The following ATRNL1 variants were observed in gnomAD, a reference collection of about 807,000 sequenced individuals.
ATRNL1 encodes the protein attractin like 1, also known as attractin-like protein 1.
Under a neutral mutation model 182.7 loss-of-function variants are expected in ATRNL1, and 95 were observed. The observed-to-expected ratio is 0.52, with a 90% CI of 0.44 to 0.62. The LOEUF (loss-of-function observed/expected upper bound fraction) is 0.62. ATRNL1 is among the 20% of genes least tolerant of loss of function. ATRNL1 has a pLI of 0.00. For missense variants in ATRNL1, 1,471 were observed against 1,679.5 expected, an observed-to-expected ratio of 0.88 and a Z score of 2.17; for synonymous variants, 576 against 568.3, an observed-to-expected ratio of 1.01 and a Z score of -0.19.
chr10:115,794,778 TA>T (rs1555082511), intron 27 of ATRNL1, among the ~76,000 whole-genome samples: 1 of 152,172 alleles, frequency 6.6e-6, no homozygotes, highest in Non-Finnish European at 1.5e-5. Flanking sequence ...TTCTTCAATA[TA>T]AAATTATTAT....
At chr10:115,133,518 C>A (rs1001983246) in intron 5 of ATRNL1, among the ~76,000 whole-genome samples, 1 of 152,064 alleles carries the variant, frequency 6.6e-6, no homozygotes, top group African/African-American at 2.4e-5. Flanking sequence ...TATATATGCA[C>A]CCAATACAGG....
rs528019448 is a variant in ATRNL1 at position 115,773,748 on chromosome 10, T to A, written c.3903+46393T>A. Among the ~76,000 whole-genome samples, 1,108 of 152,298 alleles carry A rather than the reference T, an allele frequency of 7.3e-3. 16 individuals carry two copies. Among genetic ancestry groups the A allele is most frequent in the African/African-American group, 0.025 (1,057 of 41,558 alleles). On this transcript the variant is annotated intron_variant, in intron 27 of 28. Coordinates refer to ENST00000355044, the MANE Select transcript of ATRNL1 (RefSeq NM_207303.4). ...CTGTGTGAATTCCAAACTTAGTTAA[T>A]GAAAGTGTTTCGTTACAGATTACCT...
chr10:115,829,815 G>A (rs1445017190), intron 27 of ATRNL1, among the ~76,000 whole-genome samples: 15 of 152,088 alleles, frequency 9.9e-5, no homozygotes, highest in African/African-American at 3.6e-4. Context: ...TCTCTTGTCT[G>A]ACTGCCCGGA....
At chr10:115,137,319 T>TATAGAATTCTCATTGTA (rs1187463345) in intron 5 of ATRNL1, among the ~76,000 whole-genome samples, 1 of 152,258 alleles carries the variant, frequency 6.6e-6, no homozygotes, top group East Asian at 1.9e-4. Context: ...CAGCATTCAT[T>TATAGAATTCTCATTGTA]ATAGAATTCT....
chr10:115,680,260 G>T (rs1187741472), intron 26 of ATRNL1, among the ~76,000 whole-genome samples: 1 of 152,076 alleles, frequency 6.6e-6, no homozygotes, highest in Non-Finnish European at 1.5e-5. Flanking sequence ...GCATATCTAA[G>T]ACAGATCAGC....
intron 26 of ATRNL1, among the ~76,000 whole-genome samples, chr10:115,718,103 C>T (rs1241076569): frequency 6.6e-6 from 1 of 152,106 alleles, no homozygotes; most frequent in Non-Finnish European, 1.5e-5. Context: ...TGGCTGATTT[C>T]CCAAATGGGA....
intron 26 of ATRNL1, among the ~76,000 whole-genome samples, chr10:115,676,925 A>C (rs892547795): frequency 6.6e-6 from 1 of 152,084 alleles, no homozygotes; most frequent in Non-Finnish European, 1.5e-5. Flanking sequence ...ACCCATGACC[A>C]ATGTCTCAGT....
At chr10:115,523,514 C>A (rs191051312) in intron 25 of ATRNL1, among the ~76,000 whole-genome samples, 1 of 152,308 alleles carries the variant, frequency 6.6e-6, no homozygotes, top group African/African-American at 2.4e-5. Context: ...TTTGATTATA[C>A]ATTCCAACTC....
chr10:115,244,816 T>C (rs1380491977), intron 10 of ATRNL1, among the ~76,000 whole-genome samples: 1 of 152,156 alleles, frequency 6.6e-6, no homozygotes, highest in Non-Finnish European at 1.5e-5. Context: ...TGAAACAAGA[T>C]GCAAAACAAC....
At chr10:115,612,285 T>C (rs149342616) in intron 26 of ATRNL1, among the ~76,000 whole-genome samples, 13 of 152,042 alleles carry the variant, frequency 8.6e-5, no homozygotes, top group African/African-American at 2.4e-4. Context: ...CCGAGGAAGT[T>C]TGGCCTTTGT....
At chr10:115,895,680 T>A (rs1369981567) in intron 28 of ATRNL1, among the ~76,000 whole-genome samples, 1 of 152,098 alleles carries the variant, frequency 6.6e-6, no homozygotes, top group Non-Finnish European at 1.5e-5. Flanking sequence ...GACCCGGTGG[T>A]CAAAGATGCT....
intron 9 of ATRNL1, among the ~76,000 whole-genome samples, chr10:115,240,863 G>A (rs2256046): frequency 0.32 from 47,775 of 151,516 alleles, 7,882 homozygotes; most frequent in African/African-American, 0.41. Context: ...CACAAGATGC[G>A]TTGTAATTGT....
At chr10:115,309,893 T>A (rs953694132) in intron 17 of ATRNL1, among the ~76,000 whole-genome samples, 8 of 152,134 alleles carry the variant, frequency 5.3e-5, no homozygotes, top group African/African-American at 9.6e-5. Context: ...CTATATTAAA[T>A]AGAAGTGACG....
chr10:115,559,414 T>TGTGTGTGTGTGTG (rs1853530217), intron 26 of ATRNL1, among the ~76,000 whole-genome samples: 1 of 147,560 alleles, frequency 6.8e-6, no homozygotes, highest in East Asian at 2.2e-4. Context: ...TTCTTGGTGT[T>TGTGTGTGTGTGTG]TGTGTGTGTG....
chr10:115,822,219 C>A (rs557621460), intron 27 of ATRNL1, among the ~76,000 whole-genome samples: 1 of 152,260 alleles, frequency 6.6e-6, no homozygotes, highest in African/African-American at 2.4e-5. Context: ...TAAATAAGTT[C>A]TTTGAAACCA....
At chr10:115,273,682 T>C (rs1285797112) in intron 13 of ATRNL1, among the ~76,000 whole-genome samples, 1 of 152,192 alleles carries the variant, frequency 6.6e-6, no homozygotes, top group African/African-American at 2.4e-5. Flanking sequence ...TACCTGCATA[T>C]TGTGCAGAAC....
intron 27 of ATRNL1, among the ~76,000 whole-genome samples, chr10:115,839,971 T>C (rs1223726590): frequency 6.6e-6 from 1 of 152,214 alleles, no homozygotes; most frequent in African/African-American, 2.4e-5. Flanking sequence ...CTATTCTAGA[T>C]TGAGATTTTG....
intron 25 of ATRNL1, among the ~76,000 whole-genome samples, chr10:115,530,691 A>G (rs1388662160): frequency 2.6e-5 from 4 of 151,826 alleles, no homozygotes; most frequent in African/African-American, 9.7e-5. Context: ...GGTTAGTTAC[A>G]TATGTATACA....
intron 20 of ATRNL1, among the ~76,000 whole-genome samples, chr10:115,421,311 A>C (rs911059990): frequency 6.6e-6 from 1 of 152,178 alleles, no homozygotes; most frequent in Non-Finnish European, 1.5e-5. Context: ...GTACTAGCAA[A>C]CTGAATCCAA....
Sources: gnomAD v4.1 joint callset for allele counts (sites outside exome capture counted in the v4.1 genomes callset) on GRCh38, gnomAD v4.1.1 for gene constraint, MANE v1.5 for transcripts, NCBI Gene and HGNC (gene_info 2026-07-23, HGNC 2026-07-21) for gene names.